The following POMT2 variants were observed in gnomAD, a reference collection of about 807,000 sequenced individuals.
The protein encoded by POMT2 is protein O-mannosyl-transferase 2.
In POMT2, 75 loss-of-function variants were observed where a neutral mutation model predicts 100.0. That is an observed-to-expected ratio of 0.75 (90% CI 0.62 to 0.91). The LOEUF is 0.91. Ranked by LOEUF, POMT2 falls within the 40% of genes least tolerant of loss-of-function variation. The pLI is 0.00. For synonymous variants in POMT2, 378 were observed against 374.1 expected, an observed-to-expected ratio of 1.01 and a Z score of -0.12; for missense variants, 940 against 955.1, an observed-to-expected ratio of 0.98 and a Z score of 0.21.
chr14:77,306,590 C>A, intron 2 of POMT2, 149 bp from the exon 3 acceptor site: 1 of 779,604 alleles, frequency 1.3e-6, no homozygotes, highest in Non-Finnish European at 2.1e-6. Context: ...TTTTCTCCTG[C>A]AGCTGCCACA....
chr14:77,301,993 C>G (rs1891061481), intron 5 of POMT2, among the ~76,000 whole-genome samples: 2 of 152,136 alleles, frequency 1.3e-5, no homozygotes, highest in South Asian at 4.1e-4. Context: ...CCGCATAGTA[C>G]CTGGTACACA....
chr14:77,282,167 A>C (rs530135928), intron 15 of POMT2, among the ~76,000 whole-genome samples: 1 of 152,178 alleles, frequency 6.6e-6, no homozygotes, highest in African/African-American at 2.4e-5. Context: ...AAACCCAAGG[A>C]CTCCAGCCAG....
chr14:77,297,373 T>C (rs1435845725), intron 8 of POMT2, among the ~76,000 whole-genome samples: 2 of 152,330 alleles, frequency 1.3e-5, no homozygotes, highest in Admixed American at 6.5e-5. Flanking sequence ...TCTTTTCCTC[T>C]TTCTACAGTT....
chr14:77,278,826 G>T lies in POMT2; in HGVS notation c.1935C>A (p.Leu645=), dbSNP rs141193672. The T allele has an allele frequency of 1.9e-6, 3 of 1,613,356 alleles. No individual in the cohort carries two copies. The highest frequency in any genetic ancestry group is 3.3e-5 in the Admixed American group (2 of 60,022). The change falls in exon 19 of 21, where the codon CTC becomes CTA. Residue 645 remains leucine (L), a synonymous_variant. Coordinates refer to ENST00000261534, the MANE Select transcript of POMT2 (RefSeq NM_013382.7). ...ACGGGAAGTAATGGAGTGTCCAGCCGAGCAGGACCTGGCCGCCTCCTCGAA... is the reference window on the plus strand; with the variant it reads ...ACGGGAAGTAATGGAGTGTCCAGCCTAGCAGGACCTGGCCGCCTCCTCGAA... ...VLLRGGGQVL[L]GWTLHYFPFF...
At chr14:77,318,324 A>AC (rs1403723644) in intron 1 of POMT2, among the ~76,000 whole-genome samples, 3 of 152,192 alleles carry the variant, frequency 2.0e-5, no homozygotes, top group Non-Finnish European at 4.4e-5. Context: ...GCAGGTCAGT[A>AC]TAAAAAAGAA....
At position 77,278,936 on chromosome 14, in the gene POMT2, G is replaced by T. The variant is rs1281046150; in HGVS notation, c.1892-67C>A. ...GGCAGAGATTCCAGGCTCTGGTCCA[G>T]CTCTGCCCCTTCCTTGCTGTGTGAC... On this transcript the variant is annotated intron_variant, in intron 18 of 20. Transcript: ENST00000261534. 3 of 1,543,636 alleles carry T rather than the reference G, an allele frequency of 1.9e-6. No homozygotes were observed. The African/African-American group carries it at 4.1e-5, about 21-fold the overall frequency.
intron 3 of POMT2, 43 bp downstream of exon 3, chr14:77,306,294 G>A: frequency 6.2e-7 from 1 of 1,607,074 alleles, no homozygotes; most frequent in Non-Finnish European, 8.5e-7. Flanking sequence ...GTTTAGTGTG[G>A]CCCCAGGGTT....
At position 77,276,271 on chromosome 14, in the gene POMT2, TG is replaced by T. The variant is rs1889946823; in HGVS notation, c.*1104del. 1 of 152,568 alleles carries T rather than the reference TG, an allele frequency of 6.6e-6. No individual in the cohort carries two copies. The highest frequency in any genetic ancestry group is 1.5e-5 in the Non-Finnish European group (1 of 68,064). The allele number at this position is 152,568 out of a possible 1,614,324, so 9.5% of individuals were successfully genotyped here. A position where few individuals can be genotyped will look rare whatever the true frequency, so the allele number is the denominator to read the frequency against. On this transcript the variant is annotated 3_prime_UTR_variant, in exon 21 of 21. Transcript: ENST00000261534. ...AGCTGGCATGCATTTCTAGGTGCCA[TG>T]GGTCTTCACTGCTGAAGCAGTGACA... is the stretch of plus-strand genomic sequence containing the variant.
At chr14:77,302,978 G>GT (rs1362505246) in intron 4 of POMT2, 35 bp from the exon 5 acceptor site, 1 of 1,512,056 alleles carries the variant, frequency 6.6e-7, no homozygotes, top group Non-Finnish European at 9.1e-7. Context: ...AAAAAGCGAG[G>GT]TAAGAGAAGG....
chr14:77,295,177 G>A lies in POMT2; in HGVS notation c.1116+987C>T, dbSNP rs555588887. On this transcript the variant is annotated intron_variant, in intron 9 of 20. Transcript: ENST00000261534. ...TTCTCCCTCTCAGGCACCATCCACT[G>A]CAGCCACACAAACACTCCTTAACAT... Among the ~76,000 whole-genome samples, 11 of 152,256 alleles carry A rather than the reference G, an allele frequency of 7.2e-5. No homozygotes were observed. The South Asian group carries it at 1.0e-3, about 14-fold the overall frequency.
rs1417050968 is a variant in POMT2 at position 77,304,776 on chromosome 14, G to C, written c.463C>G (p.Leu155Val). The C allele has an allele frequency of 6.3e-7, 1 of 1,597,588 alleles. No homozygotes were observed. The highest frequency in any genetic ancestry group is 1.1e-5 in the South Asian group (1 of 87,494). Residue 155 changes from leucine to valine, a missense_variant, in exon 4 of 21, where the codon CTG becomes GTG. By Grantham distance (32) the Leu-to-Val change is conservative (BLOSUM62 1). Coordinates refer to ENST00000261534, the MANE Select transcript of POMT2 (RefSeq NM_013382.7). ...ACAGTGAGGTAGGCAAAGGGGACCA[G>C]CCAGGAGCCAAGGAATGCACAGAAC... Reference protein sequence around the residue: ...RGFCAFLGSWLVPFAYLTVLD... With the variant: ...RGFCAFLGSWVVPFAYLTVLD...
intron 2 of POMT2, among the ~76,000 whole-genome samples, chr14:77,309,895 C>A (rs191942886): frequency 2.6e-5 from 4 of 152,274 alleles, no homozygotes; most frequent in African/African-American, 7.2e-5. Context: ...CCAGGCTGGG[C>A]TCGAACTCCT....
Position 77,320,791 on chromosome 14 carries a change from G to A in POMT2, c.-110C>T, listed in dbSNP as rs1594813566. On this transcript the variant is annotated 5_prime_UTR_variant, in exon 1 of 21. Transcript: ENST00000261534. The stretch of plus-strand genomic sequence containing the variant: ...CTCGGGGTACCCCGGGAAATGCAAC[G>A]CCCTTCACTGCAGCGGAGCGCGGGG... The A allele has an allele frequency of 2.1e-6, 3 of 1,457,892 alleles. No homozygotes were observed. Among genetic ancestry groups the A allele is most frequent in the Non-Finnish European group, 2.7e-6 (3 of 1,115,078 alleles). The allele number at this position is 1,457,892 out of a possible 1,614,324, so 90.3% of individuals were successfully genotyped here.
Position 77,279,863 on chromosome 14 carries a change from T to C in POMT2, c.1851A>G (p.Val617=), listed in dbSNP as rs1333417531. The C allele has an allele frequency of 1.2e-6, 2 of 1,613,832 alleles. No homozygotes were observed. The highest frequency in any genetic ancestry group is 8.5e-7 in the Non-Finnish European group (1 of 1,180,002). Residue 617 remains valine (V), a synonymous_variant, in exon 18 of 21, where the codon GTA becomes GTG. Transcript: ENST00000261534. ...GCAGCCGTGCCCCTCTCTGCATGGC[T>C]ACAGCAATGATGCTCCCTGAGAGGA... ...LYLLSGSIIA[V]AMQRGARLPA...
Position 77,285,496 on chromosome 14 carries a change from T to G in POMT2, c.1469A>C (p.Lys490Thr), listed in dbSNP as rs752659411. 2.5e-6 allele frequency: 4 copies of G among 1,614,132 alleles called. No individual in the cohort carries two copies. In the South Asian group the frequency reaches 4.4e-5, roughly 18 times the overall value. ...VTGCVLGSSGKVLPKWGWEQL... is the reference protein window; with the variant it reads ...VTGCVLGSSGTVLPKWGWEQL... ...AGAGACTTACCACTTGGGCAGAACCTTTCCCGAGGAGCCCAGGACACAACC... is the reference window on the plus strand; with the variant it reads ...AGAGACTTACCACTTGGGCAGAACCGTTCCCGAGGAGCCCAGGACACAACC... Residue 490 changes from lysine (K) to threonine (T), a missense_variant, in exon 13 of 21, where the codon AAG becomes ACG. Coordinates refer to ENST00000261534, the MANE Select transcript of POMT2 (RefSeq NM_013382.7).
At chr14:77,301,901 C>T (rs1891058013) in intron 5 of POMT2, among the ~76,000 whole-genome samples, 1 of 152,184 alleles carries the variant, frequency 6.6e-6, no homozygotes, top group African/African-American at 2.4e-5. Context: ...CACTATGATT[C>T]TCTGGCTCTC....
At chr14:77,317,852 T>C (rs1367440671) in intron 1 of POMT2, among the ~76,000 whole-genome samples, 1 of 152,246 alleles carries the variant, frequency 6.6e-6, no homozygotes, top group Admixed American at 6.5e-5. Context: ...TTAATTCTAG[T>C]TCAGTCACTA....
intron 11 of POMT2, 98 bp downstream of exon 11, chr14:77,288,664 A>C: frequency 3.9e-6 from 4 of 1,015,084 alleles, no homozygotes; most frequent in Non-Finnish European, 6.1e-6. Context: ...TCCATTGACC[A>C]GAGCCTCATC....
At chr14:77,279,770 G>A (rs1214247620) in intron 18 of POMT2, 53 bp downstream of exon 18, 6 of 1,555,970 alleles carry the variant, frequency 3.9e-6, no homozygotes, top group East Asian at 2.3e-5. Flanking sequence ...CCCCAGGGGT[G>A]CAGGTGCCCT....
Sources: gnomAD v4.1 joint callset for allele counts (sites outside exome capture counted in the v4.1 genomes callset) on GRCh38, gnomAD v4.1.1 for gene constraint, MANE v1.5 for transcripts, NCBI Gene and HGNC (gene_info 2026-07-23, HGNC 2026-07-21) for gene names.